Variants in ANKRD36 observed in about 807,000 individuals in gnomAD.
ANKRD36 encodes ankyrin repeat domain-containing protein 36A.
Under a neutral mutation model 278.1 loss-of-function variants are expected in ANKRD36, and 179 were observed. The ratio of observed to expected loss-of-function variants is 0.64; its 90% CI spans 0.57 to 0.73. The LOEUF is 0.73. Among genes scored for constraint, ANKRD36 ranks in the 30% least tolerant of loss-of-function variants. The pLI, the probability that ANKRD36 is intolerant of heterozygous loss-of-function variation, is 0.00. For missense variants in ANKRD36, 1,159 were observed against 1,956.7 expected, an observed-to-expected ratio of 0.59 and a Z score of 7.69; for synonymous variants, 320 against 641.1, an observed-to-expected ratio of 0.50 and a Z score of 7.57.
chr2:97,149,549 A>G (rs950535407), intron 12 of ANKRD36, among the ~76,000 whole-genome samples, 188 bp downstream of exon 12: 60 of 150,544 alleles, frequency 4.0e-4, no homozygotes, highest in African/African-American at 2.2e-4. Context: ...GCAAATAAGA[A>G]ATAGTTGATA....
chr2:97,211,877 A>G, intron 58 of ANKRD36, 136 bp downstream of exon 58: 3 of 1,186,342 alleles, frequency 2.5e-6, no homozygotes, highest in Middle Eastern at 2.0e-4. Context: ...ATTTGTAATA[A>G]GTTCTCGGGT....
intron 66 of ANKRD36, among the ~76,000 whole-genome samples, chr2:97,220,582 C>T (rs1350593769): frequency 9.9e-5 from 15 of 151,732 alleles, no homozygotes; most frequent in East Asian, 2.0e-4. Context: ...TATTCTTTCA[C>T]ATGGCTGAGC....
At chr2:97,115,401 T>G (rs2034995374) in intron 1 of ANKRD36, among the ~76,000 whole-genome samples, 1 of 152,090 alleles carries the variant, frequency 6.6e-6, no homozygotes, top group Non-Finnish European at 1.5e-5. Flanking sequence ...TGAAGGTCGA[T>G]TTAGCAAAAT....
chr2:97,131,601 A>G (rs1341215469), intron 6 of ANKRD36, among the ~76,000 whole-genome samples: 2 of 152,058 alleles, frequency 1.3e-5, no homozygotes, highest in Non-Finnish European at 2.9e-5. Context: ...CCTACATTTT[A>G]AATGCAGTTT....
rs2060354344 is a variant in ANKRD36 at position 97,198,262 on chromosome 2, A to G, written c.2654-201A>G. On this transcript the variant is annotated intron_variant, in intron 42 of 75. Coordinates refer to ENST00000420699, the MANE Select transcript of ANKRD36 (RefSeq NM_001354587.1). ...CAAATCATACCATGTTTGAAATTCTAAGACTATATTTCATGGAGCCTGTAT... is the reference window on the plus strand; with the variant it reads ...CAAATCATACCATGTTTGAAATTCTGAGACTATATTTCATGGAGCCTGTAT... Among the ~76,000 whole-genome samples, 3 of 152,044 alleles carry G rather than the reference A, an allele frequency of 2.0e-5. No homozygotes were observed. The South Asian group carries it at 6.3e-4, about 32-fold the overall frequency.
At chr2:97,200,310 T>A in intron 44 of ANKRD36, 24 bp from the exon 45 acceptor site, 2 of 1,607,400 alleles carry the variant, frequency 1.2e-6, no homozygotes, top group South Asian at 1.1e-5. Flanking sequence ...ATGTGAGTGA[T>A]TATGTATCCC....
At chr2:97,228,518 C>G (rs2070744180) in intron 67 of ANKRD36, among the ~76,000 whole-genome samples, 1 of 151,982 alleles carries the variant, frequency 6.6e-6, no homozygotes, top group Non-Finnish European at 1.5e-5. Flanking sequence ...CTATTTGATT[C>G]TTCTCTCTTT....
chr2:97,248,482 A>G (rs1196188783), intron 72 of ANKRD36: 2 of 113,820 alleles, frequency 1.8e-5, no homozygotes, highest in Non-Finnish European at 3.1e-5. Context: ...AGTCAATAAG[A>G]TCCTGTAGGA....
chr2:97,180,704 G>A (rs1285797512), intron 24 of ANKRD36, among the ~76,000 whole-genome samples: 3 of 151,514 alleles, frequency 2.0e-5, no homozygotes, highest in African/African-American at 7.3e-5. Context: ...GCTAACTCTT[G>A]GATAAAATAG....
intron 66 of ANKRD36, among the ~76,000 whole-genome samples, chr2:97,221,298 T>A (rs2067595486): frequency 1.1e-5 from 1 of 88,264 alleles, no homozygotes; most frequent in Non-Finnish European, 1.9e-5. Flanking sequence ...TACCCAGTAA[T>A]GGGATGGCTG....
At chr2:97,181,468 A>G (rs1411502627) in intron 24 of ANKRD36, 130 bp from the exon 25 acceptor site, 2 of 1,208,534 alleles carry the variant, frequency 1.7e-6, no homozygotes, top group Non-Finnish European at 2.2e-6. Context: ...CTCCAGACAA[A>G]AAGTAGAAAA....
chr2:97,205,743 G>A (rs771651242), intron 50 of ANKRD36, among the ~76,000 whole-genome samples, 197 bp from the exon 51 acceptor site: 1 of 151,368 alleles, frequency 6.6e-6, no homozygotes, highest in African/African-American at 2.4e-5. Flanking sequence ...AATTGTAAGG[G>A]TATATTTCAT....
chr2:97,115,715 T>C (rs917889240), intron 1 of ANKRD36, among the ~76,000 whole-genome samples: 1 of 151,256 alleles, frequency 6.6e-6, no homozygotes, highest in Non-Finnish European at 1.5e-5. Flanking sequence ...TTTACATTTC[T>C]GATGACTTTT....
chr2:97,230,460 A>C (rs1240777917), intron 67 of ANKRD36, among the ~76,000 whole-genome samples: 1 of 152,078 alleles, frequency 6.6e-6, no homozygotes, highest in Non-Finnish European at 1.5e-5. Flanking sequence ...CTCTTCACGT[A>C]GTTCTCGAGC....
intron 52 of ANKRD36, 133 bp downstream of exon 52, chr2:97,206,268 G>A (rs1442251280): frequency 6.4e-6 from 7 of 1,096,240 alleles, no homozygotes; most frequent in Non-Finnish European, 8.9e-6. Flanking sequence ...TTCATTTGTA[G>A]TACGTTCTTG....
intron 67 of ANKRD36, among the ~76,000 whole-genome samples, chr2:97,227,562 C>T (rs1179488769): frequency 3.9e-5 from 6 of 152,090 alleles, no homozygotes; most frequent in Admixed American, 1.3e-4. Context: ...ACAATCATGT[C>T]GTCTGCAAAC....
rs565668531 is a variant in ANKRD36 at position 97,141,832 on chromosome 2, T to A, written c.800-808T>A. 9.1e-4 allele frequency among the ~76,000 whole-genome samples: 139 copies of A among 152,140 alleles called. 1 individual carries two copies. The highest frequency in any genetic ancestry group is 1.3e-3 in the Non-Finnish European group (86 of 67,986). ...TGAATTCATTAATTGATTAATAAAA[T>A]GGTTATTTTCAATGAATATTGGAGT... On this transcript the variant is annotated intron_variant, in intron 6 of 75. Coordinates refer to ENST00000420699, the MANE Select transcript of ANKRD36 (RefSeq NM_001354587.1).
intron 12 of ANKRD36, among the ~76,000 whole-genome samples, chr2:97,151,351 G>A (rs111710895): frequency 6.6e-6 from 1 of 151,012 alleles, no homozygotes; most frequent in South Asian, 2.1e-4. Flanking sequence ...AGCTGAAGTT[G>A]TACTATAATT....
Position 97,192,983 on chromosome 2 carries a change from T to C in ANKRD36, c.2379T>C (p.Ala793=). ...VSSQKPPALT[A]TSDEEGSVLS... is the part of the protein sequence containing the mutation. ...ATTTCATTTGAAATTCCATTCAGGC[T>C]ACAAGTGACGAGGAAGGTTCTGTTT... Residue 793 remains alanine, a splice_region_variant and synonymous_variant, in exon 38 of 76, where the codon GCT becomes GCC. Coordinates refer to ENST00000420699, the MANE Select transcript of ANKRD36 (RefSeq NM_001354587.1). 2 of 1,582,754 alleles carry C rather than the reference T, an allele frequency of 1.3e-6. No homozygotes were observed. The highest frequency in any genetic ancestry group is 1.4e-5 in the African/African-American group (1 of 73,824).
Sources: allele counts gnomAD v4.1 joint callset (sites outside exome capture counted in the v4.1 genomes callset), GRCh38; gene constraint gnomAD v4.1.1; transcripts MANE v1.5; gene names NCBI Gene and HGNC (gene_info 2026-07-23, HGNC 2026-07-21).